LOC128462377: variants seen among roughly 807,000 people sequenced by gnomAD.
the LOC128462377 span, among the ~76,000 whole-genome samples, chr16:89,398,158 G>A: frequency 3.6e-4 from 54 of 148,682 alleles, no homozygotes; most frequent in African/African-American, 1.1e-3. Flanking sequence ...GACTACCTGT[G>A]ACCTCAGCAC....
the LOC128462377 span, among the ~76,000 whole-genome samples, chr16:89,395,222 G>A: frequency 6.6e-6 from 1 of 152,242 alleles, no homozygotes; most frequent in African/African-American, 2.4e-5. Context: ...TTAACAGAAA[G>A]AATTATGCAA....
chr16:89,396,640 G>C, the LOC128462377 span, among the ~76,000 whole-genome samples: 3 of 152,224 alleles, frequency 2.0e-5, no homozygotes, highest in East Asian at 5.8e-4. Context: ...ACACATTAAT[G>C]GGGTTTGTAC....
chr16:89,333,908 T>G, the LOC128462377 span, among the ~76,000 whole-genome samples: 1 of 152,060 alleles, frequency 6.6e-6, no homozygotes, highest in Non-Finnish European at 1.5e-5. Context: ...AACAGAGAGA[T>G]AAACTACTTT....
chr16:89,396,048 C>T, the LOC128462377 span: 1 of 152,196 alleles, frequency 6.6e-6, no homozygotes, highest in African/African-American at 2.4e-5. Context: ...GACATGAGTA[C>T]TGGCAGATCA....
the LOC128462377 span, among the ~76,000 whole-genome samples, chr16:89,349,412 G>A: frequency 1.3e-5 from 2 of 151,920 alleles, no homozygotes; most frequent in Admixed American, 6.6e-5. Context: ...CCCGGGAGGC[G>A]GAGCTTACAG....
the LOC128462377 span, among the ~76,000 whole-genome samples, chr16:89,417,497 C>A: frequency 1.3e-5 from 2 of 152,152 alleles, no homozygotes; most frequent in African/African-American, 4.8e-5. Flanking sequence ...AGGCCAAAGT[C>A]TTTTTGGAGA....
chr16:89,388,293 A>ATTTTTTT, the LOC128462377 span, among the ~76,000 whole-genome samples: 6,119 of 84,932 alleles, frequency 0.072, 1,012 homozygotes, highest in East Asian at 0.19. Context: ...CATGAGGCTG[A>ATTTTTTT]TTTTTTTTTT....
chr16:89,330,330 A>G, the LOC128462377 span, among the ~76,000 whole-genome samples: 6 of 151,900 alleles, frequency 3.9e-5, no homozygotes, highest in Admixed American at 3.9e-4. Context: ...GGCTCGGGAG[A>G]CCTGGCTCAG....
chr16:89,331,629 A>G, the LOC128462377 span, among the ~76,000 whole-genome samples: 2 of 151,874 alleles, frequency 1.3e-5, no homozygotes, highest in African/African-American at 2.4e-5. Context: ...AGATTTATAG[A>G]TATGTATTTA....
chr16:89,415,738 G>A, the LOC128462377 span, among the ~76,000 whole-genome samples: 2 of 146,334 alleles, frequency 1.4e-5, no homozygotes, highest in African/African-American at 5.1e-5. Flanking sequence ...TGAGGCAGGA[G>A]AAACTCTTGA....
the LOC128462377 span, among the ~76,000 whole-genome samples, chr16:89,394,681 T>G: frequency 6.6e-6 from 1 of 151,316 alleles, no homozygotes; most frequent in African/African-American, 2.4e-5. Context: ...TATTTTCCAC[T>G]CCTCGTCTCA....
At chr16:89,351,639 G>A in the LOC128462377 span, among the ~76,000 whole-genome samples, 1 of 152,186 alleles carries the variant, frequency 6.6e-6, no homozygotes, top group Non-Finnish European at 1.5e-5. Context: ...TGCAGACATA[G>A]GCCCTGTGAC....
chr16:89,384,882 T>TTC, the LOC128462377 span, among the ~76,000 whole-genome samples: 5 of 23,222 alleles, frequency 2.2e-4, no homozygotes, highest in African/African-American at 6.9e-4. Context: ...TAGTTTTCTT[T>TTC]TTTTTTTTTT....
the LOC128462377 span, among the ~76,000 whole-genome samples, chr16:89,348,104 GTAT>G: frequency 6.6e-6 from 1 of 151,800 alleles, no homozygotes; most frequent in Non-Finnish European, 1.5e-5. Context: ...GCTCATTTTT[GTAT>G]TTTTTGTACA....
the LOC128462377 span, among the ~76,000 whole-genome samples, chr16:89,338,116 G>A: frequency 2.0e-5 from 3 of 152,118 alleles, no homozygotes; most frequent in Non-Finnish European, 2.9e-5. Context: ...ATCCCAGGAC[G>A]CCGCCCGTCA....
At chr16:89,364,141 G>A in the LOC128462377 span, among the ~76,000 whole-genome samples, 6 of 152,152 alleles carry the variant, frequency 3.9e-5, no homozygotes, top group Non-Finnish European at 5.9e-5. Context: ...TTTCTTTCCA[G>A]CCCTGGAGCC....
the LOC128462377 span, among the ~76,000 whole-genome samples, chr16:89,401,788 G>A: frequency 3.9e-5 from 6 of 152,296 alleles, no homozygotes; most frequent in East Asian, 1.2e-3. Context: ...TGTGCACGCA[G>A]GGAGAACGCT....
the LOC128462377 span, among the ~76,000 whole-genome samples, chr16:89,385,216 G>A: frequency 1.4e-5 from 2 of 144,498 alleles, no homozygotes; most frequent in South Asian, 4.5e-4. Flanking sequence ...TTGAGATGGA[G>A]TCTCCCTCTG....
At chr16:89,402,227 G>A in the LOC128462377 span, among the ~76,000 whole-genome samples, 14 of 152,294 alleles carry the variant, frequency 9.2e-5, no homozygotes, top group South Asian at 2.7e-3. Context: ...CAGGCGAAAT[G>A]TGGAACCAAT....
Sources: allele counts gnomAD v4.1 joint callset (sites outside exome capture counted in the v4.1 genomes callset), GRCh38; gene constraint gnomAD v4.1.1; transcripts MANE v1.5.